Variants in MCPH1 observed in about 807,000 individuals in gnomAD.
MCPH1 encodes the protein microcephalin 1.
Under a neutral mutation model 84.5 loss-of-function variants are expected in MCPH1, and 104 were observed. The observed-to-expected ratio is 1.23, with a 90% CI of 1.05 to 1.45. MCPH1 has a LOEUF of 1.45. Ranked by LOEUF, MCPH1 falls within the 40% of genes most tolerant of loss-of-function variation. The pLI is 0.00. For synonymous variants in MCPH1, 514 were observed against 366.8 expected, an observed-to-expected ratio of 1.40 and a Z score of -4.58; for missense variants, 1,498 against 1,005.7, an observed-to-expected ratio of 1.49 and a Z score of -6.62.
At chr8:6,508,696 T>C in intron 12 of MCPH1, 1 of 613,388 alleles carries the variant, frequency 1.6e-6, no homozygotes, top group South Asian at 2.1e-5. Context: ...TTGCCAGGGC[T>C]AGGTCCTGAG....
intron 12 of MCPH1, among the ~76,000 whole-genome samples, chr8:6,506,644 G>T (rs2129565007): frequency 6.6e-6 from 1 of 152,168 alleles, no homozygotes; most frequent in South Asian, 2.1e-4. Context: ...GGATGATTGT[G>T]CCAGGATGAA....
chr8:6,420,948 A>G (rs1054396256), intron 3 of MCPH1, among the ~76,000 whole-genome samples: 5 of 152,196 alleles, frequency 3.3e-5, no homozygotes, highest in Admixed American at 1.3e-4. Context: ...CAGAACAGAA[A>G]GAAAGGAAAG....
intron 12 of MCPH1, among the ~76,000 whole-genome samples, chr8:6,574,714 A>G (rs1332749448): frequency 6.6e-6 from 1 of 152,202 alleles, no homozygotes; most frequent in Non-Finnish European, 1.5e-5. Context: ...AAGATAAGTG[A>G]AAACGAGTCA....
intron 12 of MCPH1, chr8:6,521,443 G>A: frequency 7.0e-7 from 1 of 1,420,568 alleles, no homozygotes; most frequent in Admixed American, 2.0e-5. Context: ...GTTAGTGAAG[G>A]CTATTCTAAT....
At chr8:6,520,870 T>G (rs937863144) in intron 12 of MCPH1, among the ~76,000 whole-genome samples, 1 of 152,234 alleles carries the variant, frequency 6.6e-6, no homozygotes, top group African/African-American at 2.4e-5. Flanking sequence ...ATGTAAAACC[T>G]AAATAAATGA....
intron 12 of MCPH1, among the ~76,000 whole-genome samples, chr8:6,613,448 G>C (rs982269001): frequency 4.6e-5 from 7 of 152,156 alleles, no homozygotes; most frequent in African/African-American, 1.4e-4. Flanking sequence ...GGGAGTCACG[G>C]GGGGGTGGTG....
rs1014774089 is a variant in MCPH1 at position 6,420,378 on chromosome 8, G to A, written c.233+5495G>A. 6.6e-5 allele frequency among the ~76,000 whole-genome samples: 10 copies of A among 152,126 alleles called. 1 individual carries two copies. Among genetic ancestry groups the A allele is most frequent in the African/African-American group, 2.4e-4 (10 of 41,476 alleles). Reference sequence around the variant, plus strand: ...ATGGAGTCTTAAGCGTATTCTCCCCGACTTTCTGCATCCATAGACTTGCAG... The same window carrying A: ...ATGGAGTCTTAAGCGTATTCTCCCCAACTTTCTGCATCCATAGACTTGCAG... On this transcript the variant is annotated intron_variant, in intron 3 of 13. Transcript: ENST00000344683.
intron 12 of MCPH1, among the ~76,000 whole-genome samples, chr8:6,598,512 C>T (rs1294589255): frequency 3.9e-5 from 6 of 152,178 alleles, no homozygotes; most frequent in African/African-American, 1.4e-4. Context: ...CCACCAGCTC[C>T]GCAGAGGAAG....
chr8:6,584,268 C>T (rs1007883339), intron 12 of MCPH1, among the ~76,000 whole-genome samples: 18 of 152,176 alleles, frequency 1.2e-4, no homozygotes, highest in African/African-American at 4.1e-4. Flanking sequence ...GGTGCAGCTA[C>T]CCGTCTGGGA....
At chr8:6,492,548 C>T (rs913238025) in intron 11 of MCPH1, among the ~76,000 whole-genome samples, 13 of 151,638 alleles carry the variant, frequency 8.6e-5, no homozygotes, top group African/African-American at 3.1e-4. Context: ...AGTCCTTGTC[C>T]ATGCCTGTGT....
intron 12 of MCPH1, chr8:6,514,578 C>T: frequency 9.7e-7 from 1 of 1,032,500 alleles, no homozygotes; most frequent in Non-Finnish European, 1.5e-6. Flanking sequence ...TGTCAAAAGT[C>T]ATTGGTTAGT....
At chr8:6,519,454 C>T (rs988914582) in intron 12 of MCPH1, among the ~76,000 whole-genome samples, 2 of 152,172 alleles carry the variant, frequency 1.3e-5, no homozygotes, top group African/African-American at 4.8e-5. Flanking sequence ...GACTTTGACA[C>T]AGCAGTAGAA....
intron 1 of MCPH1, among the ~76,000 whole-genome samples, chr8:6,408,640 C>T (rs939182459): frequency 3.3e-5 from 5 of 151,514 alleles, no homozygotes; most frequent in African/African-American, 9.7e-5. Flanking sequence ...TCTAGGGATT[C>T]TCCCACCTCA....
intron 12 of MCPH1, among the ~76,000 whole-genome samples, chr8:6,577,042 G>C (rs750005000): frequency 6.6e-6 from 1 of 152,084 alleles, no homozygotes; most frequent in East Asian, 1.9e-4. Context: ...TGAAATTCCT[G>C]CCACTGGAAT....
chr8:6,445,632 C>G (rs1804239168), intron 8 of MCPH1, 85 bp downstream of exon 8: 4 of 1,497,770 alleles, frequency 2.7e-6, no homozygotes, highest in Middle Eastern at 1.9e-4. Context: ...ACAACTTTTT[C>G]ATAACTTATT....
Position 6,643,088 on chromosome 8 carries a change from G to C in MCPH1, c.*39G>C, listed in dbSNP as rs767289433. On this transcript the variant is annotated 3_prime_UTR_variant, in exon 14 of 14. Transcript: ENST00000344683. ...GGCCTGTGGTGACTGCACACAGCTC[G>C]CAAAACTGTCTTTGGATGTTCAAAT... 2 of 1,559,960 alleles carry C rather than the reference G, an allele frequency of 1.3e-6. No homozygotes were observed. The highest frequency in any genetic ancestry group is 1.4e-5 in the African/African-American group (1 of 73,782).
At position 6,647,672 on chromosome 8, in the gene MCPH1, T is replaced by C. The variant is rs532246403; in HGVS notation, c.*4623T>C. 3 of 152,242 alleles carry C rather than the reference T, an allele frequency of 2.0e-5. No homozygotes were observed. The highest frequency in any genetic ancestry group is 2.9e-5 in the Non-Finnish European group (2 of 68,024). 9.4% of individuals were successfully genotyped at this position (152,242 alleles called of 1,614,324 possible). A position where few individuals can be genotyped will look rare whatever the true frequency, so the allele number is the denominator to read the frequency against. On this transcript the variant is annotated 3_prime_UTR_variant, in exon 14 of 14. Transcript: ENST00000344683. ...GAGGTCAGACACAAAAGACTACAAA[T>C]TGTAAGATTCCATTTAGATACCATT...
intron 12 of MCPH1, among the ~76,000 whole-genome samples, chr8:6,538,171 T>C (rs1250520456): frequency 6.6e-6 from 1 of 152,060 alleles, no homozygotes; most frequent in Admixed American, 6.6e-5. Context: ...TAGTAAACCC[T>C]TGAATTTTTC....
chr8:6,621,305 T>C, intron 12 of MCPH1, 149 bp from the exon 13 acceptor site: 1 of 981,752 alleles, frequency 1.0e-6, no homozygotes, highest in Non-Finnish European at 1.6e-6. Flanking sequence ...CTTCTCTGGA[T>C]TCTCAGAATT....
Sources: gnomAD v4.1 joint callset for allele counts (sites outside exome capture counted in the v4.1 genomes callset) on GRCh38, gnomAD v4.1.1 for gene constraint, MANE v1.5 for transcripts, NCBI Gene and HGNC (gene_info 2026-07-23, HGNC 2026-07-21) for gene names.